The following NCF2 variants were observed in gnomAD, a reference collection of about 807,000 sequenced individuals.
The protein encoded by NCF2 is neutrophil cytosol factor 2.
In NCF2, 45 loss-of-function variants were observed where a neutral mutation model predicts 70.9. The ratio of observed to expected loss-of-function variants is 0.63; its 90% CI spans 0.50 to 0.81. The LOEUF (loss-of-function observed/expected upper bound fraction) is 0.81. Among genes scored for constraint, NCF2 ranks in the 40% least tolerant of loss-of-function variants. The probability of loss-of-function intolerance (pLI) is 0.00; values close to 1 mark genes in which losing one functional copy is unlikely to be tolerated. For synonymous variants in NCF2, 203 were observed against 233.6 expected (o/e 0.87, Z 1.19); for missense variants, 522 against 631.6 (o/e 0.83, Z 1.86).
At chr1:183,599,423 C>CTTTCTTTCTTTCTTTCT in the NCF2 span, among the ~76,000 whole-genome samples, 80 of 107,506 alleles carry the variant, frequency 7.4e-4, 1 homozygote, top group African/African-American at 2.9e-3. Context: ...TCTTTCTTTC[C>CTTTCTTTCTTTCTTTCT]TTCTTTCTTT....
rs564454200 is a variant in NCF2, at chr1:183,580,116, A to G, written c.258-2409T>C. 1.2e-4 allele frequency among the ~76,000 whole-genome samples: 18 copies of G among 152,316 alleles called. 1 individual carries two copies. The South Asian group carries it at 3.1e-3, about 26-fold the overall frequency. ...TGTGGCTGGGGGAGAAGCCATCACC[A>G]TTAGGGTTGAGGTAAGTCACACATG... On this transcript the variant is annotated intron_variant, in intron 2 of 14. Transcript: ENST00000367535.
At chr1:183,569,057 A>C in intron 7 of NCF2, 85 bp downstream of exon 7, 3 of 1,305,008 alleles carry the variant, frequency 2.3e-6, no homozygotes, top group Non-Finnish European at 3.3e-6. Flanking sequence ...CCCTGACCCC[A>C]CCTTCATCTT....
intron 14 of NCF2, among the ~76,000 whole-genome samples, chr1:183,558,517 A>G (rs944059752): frequency 2.7e-5 from 4 of 150,424 alleles, no homozygotes; most frequent in African/African-American, 9.8e-5. Flanking sequence ...GTCAGCCCAC[A>G]TTGACCTCCC....
At chr1:183,565,839 A>C in intron 9 of NCF2, 60 bp from the exon 10 acceptor site, 1 of 1,534,064 alleles carries the variant, frequency 6.5e-7, no homozygotes, top group Non-Finnish European at 9.0e-7. Context: ...GCAGGGGTGG[A>C]TGTGGGGAAA....
At chr1:183,584,533 C>T (rs35238239) in intron 2 of NCF2, among the ~76,000 whole-genome samples, 3,155 of 152,232 alleles carry the variant, frequency 0.021, 99 homozygotes, top group African/African-American at 0.07. Flanking sequence ...CACTCAAAAC[C>T]GTGGCCTTCC....
chr1:183,598,332 ACT>A, the NCF2 span: 1 of 152,066 alleles, frequency 6.6e-6, no homozygotes, highest in African/African-American at 2.4e-5. Flanking sequence ...CAGGCCCAAG[ACT>A]CTAAAATAAT....
At chr1:183,569,989 C>T (rs1013100724) in intron 6 of NCF2, among the ~76,000 whole-genome samples, 13 of 152,218 alleles carry the variant, frequency 8.5e-5, no homozygotes, top group Non-Finnish European at 1.8e-4. Flanking sequence ...ACCTGGGCTG[C>T]ATTCCCCTCA....
intron 1 of NCF2, 23 bp downstream of exon 1, chr1:183,590,133 C>G: frequency 6.2e-7 from 1 of 1,614,028 alleles, no homozygotes; most frequent in Non-Finnish European, 8.5e-7. Flanking sequence ...AGAGGAGGCC[C>G]GGAAAGAGGC....
At chr1:183,579,732 C>A in intron 2 of NCF2, among the ~76,000 whole-genome samples, 1 of 89,758 alleles carries the variant, frequency 1.1e-5, no homozygotes. Context: ...GAGTGAGACT[C>A]TGTCTCAAAA....
chr1:183,590,504 A>G, upstream of NCF2: 2 of 719,988 alleles, frequency 2.8e-6, no homozygotes, highest in Non-Finnish European at 4.9e-6. Context: ...TTGCAAATGC[A>G]TCAGGAAATG....
At chr1:183,591,425 C>T (rs1000729486), upstream of NCF2, among the ~76,000 whole-genome samples, 2 of 151,038 alleles carry the variant, frequency 1.3e-5, no homozygotes, top group Non-Finnish European at 2.9e-5. Flanking sequence ...TTATCATTAA[C>T]AAATTTTTGA....
At chr1:183,592,965 C>G (rs1227012313), upstream of NCF2, among the ~76,000 whole-genome samples, 1 of 152,210 alleles carries the variant, frequency 6.6e-6, no homozygotes, top group East Asian at 1.9e-4. Context: ...CCTTGCATAG[C>G]CTTCGAAGGC....
chr1:183,569,280 C>T (rs1672442872), intron 6 of NCF2, 95 bp from the exon 7 acceptor site: 1 of 1,165,368 alleles, frequency 8.6e-7, no homozygotes, highest in Admixed American at 1.7e-5. Context: ...AGCATTCTTC[C>T]AGACCAGAAA....
At chr1:183,576,896 A>G (rs915155970) in intron 3 of NCF2, among the ~76,000 whole-genome samples, 7 of 152,042 alleles carry the variant, frequency 4.6e-5, no homozygotes, top group African/African-American at 1.7e-4. Flanking sequence ...AACTGCTAGT[A>G]TATATTTGGA....
intron 1 of NCF2, among the ~76,000 whole-genome samples, chr1:183,587,237 C>G (rs1673397347): frequency 6.6e-6 from 1 of 152,156 alleles, no homozygotes; most frequent in African/African-American, 2.4e-5. Flanking sequence ...ATTCCTGGAG[C>G]CATACATATA....
intron 7 of NCF2, 64 bp from the exon 8 acceptor site, chr1:183,567,409 C>T (rs760718996): frequency 4.4e-6 from 7 of 1,607,598 alleles, no homozygotes; most frequent in African/African-American, 2.7e-5. Flanking sequence ...CGCAAATACA[C>T]TGAACTTGGA....
chr1:183,601,354 A>G, the NCF2 span, among the ~76,000 whole-genome samples: 1 of 152,230 alleles, frequency 6.6e-6, no homozygotes, highest in Non-Finnish European at 1.5e-5. Context: ...AGTGTCTCCA[A>G]TTGTATACTA....
chr1:183,557,439 A>G (rs1477807082), intron 14 of NCF2, among the ~76,000 whole-genome samples: 2 of 152,234 alleles, frequency 1.3e-5, no homozygotes, highest in African/African-American at 4.8e-5. Context: ...TTAGAAATGA[A>G]AAATCCCAGA....
At chr1:183,600,782 A>G in the NCF2 span, among the ~76,000 whole-genome samples, 4 of 152,086 alleles carry the variant, frequency 2.6e-5, no homozygotes, top group African/African-American at 9.7e-5. Context: ...AGCCTCCCAG[A>G]ATGATGGGTT....
Sources: allele counts gnomAD v4.1 joint callset (sites outside exome capture counted in the v4.1 genomes callset), GRCh38; gene constraint gnomAD v4.1.1; transcripts MANE v1.5; gene names NCBI Gene and HGNC (gene_info 2026-07-23, HGNC 2026-07-21).